The following DNAH7 variants were observed in gnomAD, a reference collection of about 807,000 sequenced individuals.
DNAH7 encodes dynein axonemal heavy chain 7, also known as axonemal beta dynein heavy chain 7.
DNAH7 carries 397 observed loss-of-function variants against 444.6 expected under a neutral mutation model. That is an observed-to-expected ratio of 0.89 (90% CI 0.82 to 0.97). The LOEUF (loss-of-function observed/expected upper bound fraction) is 0.97. DNAH7 is among the 50% of genes least tolerant of loss of function. The pLI, the probability that DNAH7 is intolerant of heterozygous loss-of-function variation, is 0.00. For synonymous variants in DNAH7, 1,636 were observed against 1,624.4 expected, an observed-to-expected ratio of 1.01 and a Z score of -0.17; for missense variants, 4,902 against 4,800.8, an observed-to-expected ratio of 1.02 and a Z score of -0.62.
At chr2:195,963,877 A>G (rs905792105) in intron 17 of DNAH7, among the ~76,000 whole-genome samples, 3 of 152,196 alleles carry the variant, frequency 2.0e-5, no homozygotes, top group Non-Finnish European at 4.4e-5. Context: ...TCTTTTTCCC[A>G]AAGTATGTCC....
chr2:196,028,280 C>T (rs1695815803), intron 5 of DNAH7, among the ~76,000 whole-genome samples: 1 of 152,146 alleles, frequency 6.6e-6, no homozygotes, highest in African/African-American at 2.4e-5. Context: ...TCAGAAATCA[C>T]ACCCTCCTTG....
intron 5 of DNAH7, among the ~76,000 whole-genome samples, chr2:196,045,413 A>G (rs1697057827): frequency 6.6e-6 from 1 of 152,092 alleles, no homozygotes; most frequent in African/African-American, 2.4e-5. Flanking sequence ...AGAGCAAACT[A>G]CTAAGAGACA....
At chr2:195,888,498 CCT>C (rs1574673882) in intron 32 of DNAH7, 64 bp from the exon 33 acceptor site, 9 of 1,474,262 alleles carry the variant, frequency 6.1e-6, no homozygotes, top group Non-Finnish European at 3.6e-6. Context: ...TGATTTGGCA[CCT>C]CTGTTTTTTT....
Position 195,987,977 on chromosome 2 carries a change from T to C in DNAH7, c.1606A>G (p.Ile536Val). The change falls in exon 13 of 65, where the codon ATA (isoleucine) becomes GTA (valine). Residue 536 changes from isoleucine to valine, a missense_variant. Transcript: ENST00000312428. ...TTTACCTTTATGGATGTGTACTGTATTTCCTCTATTAGTTTCTGGTATTTG... is the reference window on the plus strand; with the variant it reads ...TTTACCTTTATGGATGTGTACTGTACTTCCTCTATTAGTTTCTGGTATTTG... ...ICKYQKLIEE[I>V]QYTSIKTIRL... is the part of the protein sequence containing the mutation. 1.2e-6 allele frequency: 2 copies of C among 1,611,538 alleles called. No individual in the cohort carries two copies. Among genetic ancestry groups the C allele is most frequent in the Non-Finnish European group, 1.7e-6 (2 of 1,178,720 alleles).
intron 58 of DNAH7, among the ~76,000 whole-genome samples, chr2:195,780,962 A>G (rs957407598): frequency 2.6e-5 from 4 of 152,060 alleles, no homozygotes; most frequent in Non-Finnish European, 5.9e-5. Flanking sequence ...AGTAGTGATT[A>G]GAGAGGGGAA....
At chr2:195,803,095 T>C (rs534399800) in intron 54 of DNAH7, among the ~76,000 whole-genome samples, 3 of 152,236 alleles carry the variant, frequency 2.0e-5, no homozygotes, top group Non-Finnish European at 4.4e-5. Context: ...CCCTTTTCTT[T>C]ATTATTATTT....
At chr2:195,796,844 CAT>C in intron 55 of DNAH7, 107 bp from the exon 56 acceptor site, 3 of 1,256,270 alleles carry the variant, frequency 2.4e-6, no homozygotes, top group Non-Finnish European at 2.1e-6. Context: ...AATTGGGTCA[CAT>C]GTCTCAAAAA....
chr2:196,047,534 C>A, intron 4 of DNAH7, 35 bp from the exon 5 acceptor site: 12 of 1,497,692 alleles, frequency 8.0e-6, no homozygotes, highest in Non-Finnish European at 1.1e-5. Context: ...CACAATTATT[C>A]ATCTAAAAGG....
rs139168098 is a variant in DNAH7, at chr2:195,854,160, G to A, written c.8596-632C>T. Among the ~76,000 whole-genome samples the A allele has an allele frequency of 3.5e-3, 525 of 152,138 alleles. 3 individuals carry two copies. The highest frequency in any genetic ancestry group is 0.012 in the African/African-American group (504 of 41,512). Reference sequence around the variant, plus strand: ...AGATAATTACAAAGGTGGCAAACTTGGTGAAAAGTTATTTCAGTTCACACA... The same window carrying A: ...AGATAATTACAAAGGTGGCAAACTTAGTGAAAAGTTATTTCAGTTCACACA... On this transcript the variant is annotated intron_variant, in intron 45 of 64. Transcript: ENST00000312428.
At chr2:196,000,933 AGACT>A in intron 11 of DNAH7, 50 bp from the exon 12 acceptor site, 1 of 1,433,668 alleles carries the variant, frequency 7.0e-7, no homozygotes, top group Non-Finnish European at 9.3e-7. Context: ...GAATTGTGAC[AGACT>A]AAGTAGTACA....
At chr2:195,813,774 C>A (rs1243597546) in intron 51 of DNAH7, among the ~76,000 whole-genome samples, 1 of 152,142 alleles carries the variant, frequency 6.6e-6, no homozygotes, top group African/African-American at 2.4e-5. Context: ...AAACTATTTT[C>A]TTTCTCTACT....
At chr2:195,995,867 C>A (rs1693663994) in intron 12 of DNAH7, among the ~76,000 whole-genome samples, 1 of 152,274 alleles carries the variant, frequency 6.6e-6, no homozygotes, top group Non-Finnish European at 1.5e-5. Flanking sequence ...ATTGCTTTGG[C>A]TATTCAGGGT....
At chr2:195,954,928 T>C (rs765294835) in intron 19 of DNAH7, among the ~76,000 whole-genome samples, 1 of 152,194 alleles carries the variant, frequency 6.6e-6, no homozygotes, top group Admixed American at 6.5e-5. Context: ...ATATTAGCCC[T>C]TTGTCAGATG....
chr2:195,927,121 T>C (rs530948669), intron 21 of DNAH7, among the ~76,000 whole-genome samples: 1 of 152,098 alleles, frequency 6.6e-6, no homozygotes, highest in African/African-American at 2.4e-5. Context: ...GTACGATTCA[T>C]TCATGGAGAG....
At chr2:195,911,047 CA>C (rs1419827077) in intron 24 of DNAH7, among the ~76,000 whole-genome samples, 2 of 152,134 alleles carry the variant, frequency 1.3e-5, no homozygotes, top group Admixed American at 6.5e-5. Context: ...TGACAACATG[CA>C]AGACTGCATG....
rs1362192568 is a variant in DNAH7, at chr2:196,000,771, A to G, written c.1286T>C (p.Val429Ala). Residue 429 changes from valine to alanine, a missense_variant, in exon 12 of 65, where the codon GTT becomes GCT. By Grantham distance (64) the Val-to-Ala change is moderately conservative (BLOSUM62 0). Coordinates refer to ENST00000312428, the MANE Select transcript of DNAH7 (RefSeq NM_018897.3). ...LSDYIDIFLN[V>A]YDVMIKAVSF... ...GACAGCTTTAATCATGACGTCATAA[A>G]CATTTAGAAAGATATCTATATAGTC... The G allele has an allele frequency of 1.3e-6, 2 of 1,599,484 alleles. No homozygotes were observed. The highest frequency in any genetic ancestry group is 1.3e-5 in the African/African-American group (1 of 74,642).
chr2:195,912,866 A>ATCTAT (rs1405351030), intron 24 of DNAH7, among the ~76,000 whole-genome samples: 1 of 152,230 alleles, frequency 6.6e-6, no homozygotes, highest in East Asian at 1.9e-4. Flanking sequence ...AATTGAGCAC[A>ATCTAT]TCTATTTTCC....
At chr2:195,749,313 A>G (rs1693632330) in intron 63 of DNAH7, among the ~76,000 whole-genome samples, 1 of 151,388 alleles carries the variant, frequency 6.6e-6, no homozygotes, top group African/African-American at 2.4e-5. Context: ...AATGGCAATC[A>G]TTAAAAAGTC....
Position 195,884,662 on chromosome 2 carries a change from C to T in DNAH7, c.5686G>A (p.Glu1896Lys). 1.9e-6 allele frequency: 3 copies of T among 1,614,122 alleles called. No individual in the cohort carries two copies. Among genetic ancestry groups the T allele is most frequent in the Non-Finnish European group, 2.5e-6 (3 of 1,179,996 alleles). ...RNTFKLQSGTEQTSSKALTVP... is the reference protein window; with the variant it reads ...RNTFKLQSGTKQTSSKALTVP... ...GTTAGTGCCTTTGAGGATGTTTGCT[C>T]AGTACCACTCTGTAATTTAAACGTA... Residue 1896 changes from glutamate (E) to lysine (K), a missense_variant, in exon 35 of 65, where the codon GAG (glutamate) becomes AAG (lysine). By Grantham distance (56) the Glu-to-Lys change is moderately conservative. Transcript: ENST00000312428.
Sources: gnomAD v4.1 joint callset for allele counts (sites outside exome capture counted in the v4.1 genomes callset) on GRCh38, gnomAD v4.1.1 for gene constraint, MANE v1.5 for transcripts, NCBI Gene and HGNC (gene_info 2026-07-23, HGNC 2026-07-21) for gene names.